TDRD5: variants seen among roughly 807,000 people sequenced by gnomAD.
TDRD5 encodes the protein tudor domain-containing protein 5.
TDRD5 carries 41 observed loss-of-function variants against 120.6 expected under a neutral mutation model. The ratio of observed to expected loss-of-function variants is 0.34; its 90% CI spans 0.26 to 0.44. The LOEUF (loss-of-function observed/expected upper bound fraction) is 0.44. Among genes scored for constraint, TDRD5 ranks in the 20% least tolerant of loss-of-function variants. The probability of loss-of-function intolerance (pLI) is 1.00; values close to 1 mark genes in which losing one functional copy is unlikely to be tolerated. For missense variants in TDRD5, 1,006 were observed against 1,221.2 expected (o/e 0.82, Z 2.63); for synonymous variants, 430 against 433.7 (o/e 0.99, Z 0.11).
intron 11 of TDRD5, among the ~76,000 whole-genome samples, chr1:179,648,561 T>A (rs1202199925): frequency 2.7e-5 from 4 of 149,336 alleles, no homozygotes; most frequent in African/African-American, 4.9e-5. Flanking sequence ...AACCTGCACA[T>A]TGTGCACATG....
intron 15 of TDRD5, among the ~76,000 whole-genome samples, chr1:179,662,875 A>C (rs1369512904): frequency 1.3e-5 from 2 of 152,158 alleles, no homozygotes; most frequent in Non-Finnish European, 2.9e-5. Flanking sequence ...AGGATCTATA[A>C]ATAAATGAAA....
chr1:179,593,416 G>A (rs1335113264), intron 2 of TDRD5, 44 bp from the exon 3 acceptor site: 2 of 1,573,622 alleles, frequency 1.3e-6, no homozygotes, highest in East Asian at 4.5e-5. Flanking sequence ...AAAGAAGGGA[G>A]TAAGTTTTCC....
chr1:179,675,341 G>A (rs1193208715), intron 17 of TDRD5, among the ~76,000 whole-genome samples: 5 of 135,878 alleles, frequency 3.7e-5, no homozygotes, highest in Middle Eastern at 4.3e-3. Context: ...CTGCAGTGGC[G>A]CTATCCCGGC....
intron 2 of TDRD5, 135 bp from the exon 3 acceptor site, chr1:179,593,325 C>G: frequency 1.0e-6 from 1 of 991,738 alleles, no homozygotes; most frequent in Non-Finnish European, 1.4e-6. Context: ...ATCGAGGAAC[C>G]AAGAGTTACT....
intron 4 of TDRD5, among the ~76,000 whole-genome samples, chr1:179,602,321 T>A (rs1675758655): frequency 6.6e-6 from 1 of 152,218 alleles, no homozygotes; most frequent in African/African-American, 2.4e-5. Context: ...GTTGAGCATT[T>A]CTTCATATGT....
intron 17 of TDRD5, among the ~76,000 whole-genome samples, chr1:179,672,903 TGTAA>T (rs986175196): frequency 2.0e-5 from 3 of 152,202 alleles, no homozygotes. Flanking sequence ...ATCAGTTGGC[TGTAA>T]GTATTTGGCT....
At chr1:179,673,676 T>A (rs1679971480) in intron 17 of TDRD5, among the ~76,000 whole-genome samples, 1 of 152,166 alleles carries the variant, frequency 6.6e-6, no homozygotes, top group South Asian at 2.1e-4. Context: ...GAGTTTCTGA[T>A]TAGCCTTTCC....
At position 179,656,968 on chromosome 1, in the gene TDRD5, G is replaced by A. The variant is rs1049828900; in HGVS notation, c.2322+2606G>A. ...CTTAGGAGACTGAGACAGGAGAATT[G>A]CTTGAACCCGGAAGACAGAGGGAGG... On this transcript the variant is annotated intron_variant, in intron 14 of 17. Coordinates refer to ENST00000444136, the MANE Select transcript of TDRD5 (RefSeq NM_001199085.3). Among the ~76,000 whole-genome samples, 5 of 152,260 alleles carry A rather than the reference G, an allele frequency of 3.3e-5. No homozygotes were observed. In the South Asian group the frequency reaches 1.0e-3, roughly 32 times the overall value.
chr1:179,616,714 C>T (rs1436252755), intron 4 of TDRD5, among the ~76,000 whole-genome samples: 2 of 152,104 alleles, frequency 1.3e-5, no homozygotes, highest in East Asian at 3.9e-4. Context: ...TATGAAGTTC[C>T]TTCTACCTTC....
In TDRD5 at chr1:179,688,933, T is replaced by A. The variant is rs564964087; in HGVS notation, c.2861-1763T>A. On this transcript the variant is annotated intron_variant, in intron 17 of 17. Transcript: ENST00000444136. ...GTCTTCTCTATGATGTTTATTCTAG[T>A]TAGCCATTCATCTAATCTTTTTTCA... Among the ~76,000 whole-genome samples, 3 of 152,352 alleles carry A rather than the reference T, an allele frequency of 2.0e-5. No homozygotes were observed. The South Asian group carries it at 6.2e-4, about 32-fold the overall frequency.
chr1:179,601,761 C>A (rs1675725429), intron 4 of TDRD5, among the ~76,000 whole-genome samples: 2 of 152,216 alleles, frequency 1.3e-5, no homozygotes, highest in Admixed American at 1.3e-4. Context: ...AATGATTCCT[C>A]TGGGTAGATA....
chr1:179,611,679 G>T (rs1163645126), intron 4 of TDRD5, among the ~76,000 whole-genome samples: 2 of 152,176 alleles, frequency 1.3e-5, no homozygotes, highest in African/African-American at 4.8e-5. Context: ...TTTTAACTGT[G>T]AGAGCCAGGC....
At chr1:179,593,040 C>CA (rs1450913219) in intron 2 of TDRD5, among the ~76,000 whole-genome samples, 193 bp downstream of exon 2, 1 of 152,136 alleles carries the variant, frequency 6.6e-6, no homozygotes, top group Non-Finnish European at 1.5e-5. Context: ...ACCATTCCCC[C>CA]AAACAATCGT....
chr1:179,601,187 T>C (rs1675689556), intron 4 of TDRD5, among the ~76,000 whole-genome samples: 1 of 152,254 alleles, frequency 6.6e-6, no homozygotes, highest in African/African-American at 2.4e-5. Flanking sequence ...TTTTCAAACA[T>C]AATTATAGAT....
intron 3 of TDRD5, among the ~76,000 whole-genome samples, chr1:179,594,825 C>A (rs1229665493): frequency 1.3e-5 from 2 of 152,196 alleles, no homozygotes; most frequent in Non-Finnish European, 2.9e-5. Context: ...CTAAGTGTTT[C>A]AAGTCTAGCC....
In TDRD5 at chr1:179,634,585, A is replaced by G. The variant is rs1040385695; in HGVS notation, c.1255A>G (p.Lys419Glu). The G allele has an allele frequency of 1.2e-6, 2 of 1,613,948 alleles. No homozygotes were observed. The highest frequency in any genetic ancestry group is 3.3e-5 in the Admixed American group (2 of 59,962). ...AAAAAAACAAAAAGAGCCACAACAGAAGATTTGCAAGAAGCCTAATCTGGT... is the reference window on the plus strand; with the variant it reads ...AAAAAAACAAAAAGAGCCACAACAGGAGATTTGCAAGAAGCCTAATCTGGT... ...PSKKQKEPQQ[K>E]ICKKPNLVVK... The change falls in exon 8 of 18, where the codon AAG becomes GAG. Residue 419 changes from lysine (K) to glutamate (E), a missense_variant. Physicochemically the swap from Lys to Glu is moderately conservative, Grantham distance 56. Transcript: ENST00000444136.
chr1:179,663,390 T>C lies in TDRD5; in HGVS notation c.2548T>C (p.Trp850Arg). 1 of 1,613,812 alleles carries C rather than the reference T, an allele frequency of 6.2e-7. No individual in the cohort carries two copies. The highest frequency in any genetic ancestry group is 1.1e-5 in the South Asian group (1 of 91,004). The change falls in exon 16 of 18, where the codon TGG (tryptophan) becomes CGG (arginine). Residue 850 changes from tryptophan (W) to arginine (R), a missense_variant. Transcript: ENST00000444136. ...STPKDTWDDS[W>R]QPSGLVNGTK... ...CCCTAAAGATACATGGGATGATTCT[T>C]GGCAGCCTTCAGGCCTTGTAAATGG...
chr1:179,690,927 AAAGGATGGAAGCATG>A lies in TDRD5; in HGVS notation c.3094_3108del (p.Arg1032_Ter1036delextTer37). ...CTCCTACACTGGTACCCCAGTGTGA[AAAGGATGGAAGCATG>A]AGGGAGGGAGGGAGGAGGGAGAAAA... On this transcript the variant is annotated stop_lost and inframe_deletion, in exon 18 of 18. Coordinates refer to ENST00000444136, the MANE Select transcript of TDRD5 (RefSeq NM_001199085.3). 3 of 1,613,008 alleles carry A rather than the reference AAAGGATGGAAGCATG, an allele frequency of 1.9e-6. No individual in the cohort carries two copies. The highest frequency in any genetic ancestry group is 2.5e-6 in the Non-Finnish European group (3 of 1,179,522).
intron 17 of TDRD5, among the ~76,000 whole-genome samples, chr1:179,685,613 C>A (rs1430625460): frequency 2.0e-5 from 3 of 152,158 alleles, no homozygotes; most frequent in Admixed American, 1.3e-4. Flanking sequence ...ATGGCATTGA[C>A]TCTATAAATT....
Sources: gnomAD v4.1 joint callset for allele counts (sites outside exome capture counted in the v4.1 genomes callset) on GRCh38, gnomAD v4.1.1 for gene constraint, MANE v1.5 for transcripts, NCBI Gene and HGNC (gene_info 2026-07-23, HGNC 2026-07-21) for gene names.